Variants in NAT8L observed in about 807,000 individuals in gnomAD.
NAT8L encodes the protein N-acetylaspartate synthetase.
NAT8L carries 6 observed loss-of-function variants against 21.2 expected under a neutral mutation model. The ratio of observed to expected loss-of-function variants is 0.28; its 90% CI spans 0.16 to 0.56. The LOEUF (loss-of-function observed/expected upper bound fraction) is 0.56. NAT8L is among the 20% of genes least tolerant of loss of function. The probability of loss-of-function intolerance (pLI) is 0.93; values close to 1 mark genes in which losing one functional copy is unlikely to be tolerated. For missense variants in NAT8L, 331 were observed against 433.3 expected, an observed-to-expected ratio of 0.76 and a Z score of 2.10; for synonymous variants, 239 against 204.9, an observed-to-expected ratio of 1.17 and a Z score of -1.42.
At position 2,060,191 on chromosome 4, in the gene NAT8L, G is replaced by C. The variant is rs1729826010; in HGVS notation, c.376+304G>C. 6.6e-6 allele frequency among the ~76,000 whole-genome samples: 1 copy of C among 152,010 alleles called. No individual in the cohort carries two copies. The highest frequency in any genetic ancestry group is 1.5e-5 in the Non-Finnish European group (1 of 67,954). On this transcript the variant is annotated intron_variant, in intron 1 of 2. Coordinates refer to ENST00000423729, the MANE Select transcript of NAT8L (RefSeq NM_178557.4). This position sits in a 1 kb window ranked among gnomAD's most constrained non-coding sequence, Gnocchi z 4.7. The stretch of plus-strand genomic sequence containing the variant: ...CTGGGTGGGGGCGGGTGCCAGGGCA[G>C]GTAGCGCCCGCCGCGGCTGGGCCCC...
At position 2,059,659 on chromosome 4, in the gene NAT8L, G is replaced by GCCGCGCCCC. The variant is rs1729813219; in HGVS notation, c.159_167dup (p.Ala54_Pro56dup). On this transcript the variant is annotated inframe_insertion, in exon 1 of 3. Transcript: ENST00000423729. The surrounding 1 kb of genome is among the most constrained non-coding windows in gnomAD (Gnocchi z 4.8). Reference sequence around the variant, plus strand: ...GCTGCCCGCCGCGCCCGGGCCGGCCGCCGCGCCCCCCGCGCCCCCACCTGC... The same window carrying GCCGCGCCCC: ...GCTGCCCGCCGCGCCCGGGCCGGCCGCCGCGCCCCCCGCGCCCCCCGCGCCCCCACCTGC... 1 of 973,008 alleles carries GCCGCGCCCC rather than the reference G, an allele frequency of 1.0e-6. No individual in the cohort carries two copies. 60.3% of individuals were successfully genotyped at this position (973,008 alleles called of 1,614,324 possible).
intron 2 of NAT8L, among the ~76,000 whole-genome samples, chr4:2,062,349 C>T (rs1729909695): frequency 1.3e-5 from 2 of 152,100 alleles, no homozygotes; most frequent in African/African-American, 4.8e-5. Context: ...TGGGATGGCC[C>T]TGATCTCTCG....
Position 2,065,035 on chromosome 4 carries a change from C to G in NAT8L, c.*908C>G, listed in dbSNP as rs1397766906. The G allele has an allele frequency of 2.6e-5, 4 of 152,648 alleles. No individual in the cohort carries two copies. Among genetic ancestry groups the G allele is most frequent in the African/African-American group, 7.2e-5 (3 of 41,476 alleles). 9.5% of individuals were successfully genotyped at this position (152,648 alleles called of 1,614,324 possible). ...GCCAACAGCGCCCAGCCCACAGCTT[C>G]TCCCAGCCTGAAACCAACACATTTT... On this transcript the variant is annotated 3_prime_UTR_variant, in exon 3 of 3. Coordinates refer to ENST00000423729, the MANE Select transcript of NAT8L (RefSeq NM_178557.4).
chr4:2,059,893 T>C lies in NAT8L; in HGVS notation c.376+6T>C. On this transcript the variant is annotated splice_donor_region_variant and intron_variant, in intron 1 of 2. Coordinates refer to ENST00000423729, the MANE Select transcript of NAT8L (RefSeq NM_178557.4). The surrounding 1 kb of genome is among the most constrained non-coding windows in gnomAD (Gnocchi z 4.8). The stretch of plus-strand genomic sequence containing the variant: ...GCTCTACGCCCTGCTGGCGGGTCAG[T>C]GCGCCGGGCCCCCGGCTGCCGCAGT... The C allele has an allele frequency of 7.8e-7, 1 of 1,287,572 alleles. No individual in the cohort carries two copies. The highest frequency in any genetic ancestry group is 9.9e-7 in the Non-Finnish European group (1 of 1,006,710). 79.8% of individuals were successfully genotyped at this position (1,287,572 alleles called of 1,614,324 possible).
rs150241702 is a variant in NAT8L, at chr4:2,063,794, C to T, written c.576C>T (p.Asn192=). 4.7e-5 allele frequency: 76 copies of T among 1,612,082 alleles called. 1 individual carries two copies. Among genetic ancestry groups the T allele is most frequent in the Middle Eastern group, 3.3e-4 (2 of 6,082 alleles). The part of the protein sequence containing the change: ...SCFWVAVLDG[N]VVGIVAARAH... ...TCTGGGTGGCCGTGCTGGATGGCAA[C>T]GTGGTGGGCATTGTGGCTGCACGGG... Residue 192 remains asparagine, a synonymous_variant, in exon 3 of 3, where the codon AAC becomes AAT. Coordinates refer to ENST00000423729, the MANE Select transcript of NAT8L (RefSeq NM_178557.4).
At chr4:2,062,626 C>T (rs921984146) in intron 2 of NAT8L, among the ~76,000 whole-genome samples, 2 of 152,034 alleles carry the variant, frequency 1.3e-5, no homozygotes, top group African/African-American at 2.4e-5. Flanking sequence ...CTCCCCCCCA[C>T]GCTGCTTCTC....
At position 2,064,103 on chromosome 4, in the gene NAT8L, C is replaced by T. The variant is rs750049341; in HGVS notation, c.885C>T (p.Tyr295=). ...RLFFQVRYHR[Y]RLQLREE is the part of the protein sequence containing the mutation. ...TCTTCCAGGTCCGCTACCACCGCTA[C>T]CGCCTGCAGCTGCGCGAGGAGTGAC... Residue 295 remains tyrosine (Y), a synonymous_variant, in exon 3 of 3, where the codon TAC becomes TAT. Transcript: ENST00000423729. 5 of 1,599,288 alleles carry T rather than the reference C, an allele frequency of 3.1e-6. No homozygotes were observed. Among genetic ancestry groups the T allele is most frequent in the Non-Finnish European group, 4.2e-6 (5 of 1,177,520 alleles).
chr4:2,065,916 C>G lies in NAT8L; in HGVS notation c.*1789C>G, dbSNP rs1428073211. On this transcript the variant is annotated 3_prime_UTR_variant, in exon 3 of 3. Transcript: ENST00000423729. ...AGTGTTTTAGCAAAATGGAAACAAACAGTTGTGCCTTTTTCCTCTTTTGGT... is the reference window on the plus strand; with the variant it reads ...AGTGTTTTAGCAAAATGGAAACAAAGAGTTGTGCCTTTTTCCTCTTTTGGT... 3 of 152,628 alleles carry G rather than the reference C, an allele frequency of 2.0e-5. No homozygotes were observed. Among genetic ancestry groups the G allele is most frequent in the African/African-American group, 7.2e-5 (3 of 41,424 alleles). 9.5% of individuals were successfully genotyped at this position (152,628 alleles called of 1,614,324 possible).
At chr4:2,061,713 G>A (rs1335869044) in intron 2 of NAT8L, among the ~76,000 whole-genome samples, 1 of 152,110 alleles carries the variant, frequency 6.6e-6, no homozygotes, top group African/African-American at 2.4e-5. Context: ...CTCTAGGGGG[G>A]GTGGGGGTTG....
Position 2,061,005 on chromosome 4 carries a change from C to T in NAT8L, c.384C>T (p.Cys128=). 2 of 1,538,626 alleles carry T rather than the reference C, an allele frequency of 1.3e-6. No individual in the cohort carries two copies. The highest frequency in any genetic ancestry group is 1.8e-6 in the Non-Finnish European group (2 of 1,136,036). Residue 128 remains cysteine, a synonymous_variant, in exon 2 of 3, where the codon TGC becomes TGT. Coordinates refer to ENST00000423729, the MANE Select transcript of NAT8L (RefSeq NM_178557.4). ...QLLYALLAAL[C]FAVSRSLLLT... is the part of the protein sequence containing the mutation. ...CGCGCCCTCTGCCCCCAGCGCTGTG[C>T]TTCGCCGTGAGCCGCTCGCTGCTGC...
At chr4:2,061,376 G>A (rs1034256789) in intron 2 of NAT8L, among the ~76,000 whole-genome samples, 1 of 152,220 alleles carries the variant, frequency 6.6e-6, no homozygotes, top group Non-Finnish European at 1.5e-5. Flanking sequence ...GACCTGAGCT[G>A]GCCCTGCGAC....
In NAT8L at chr4:2,063,761, C is replaced by T. The variant is rs760096629; in HGVS notation, c.543C>T (p.Gly181=). The T allele has an allele frequency of 5.0e-6, 8 of 1,611,220 alleles. No homozygotes were observed. The South Asian group carries it at 7.7e-5, about 15-fold the overall frequency. Residue 181 remains glycine (G), a splice_region_variant and synonymous_variant, in exon 3 of 3, where the codon GGC becomes GGT. Transcript: ENST00000423729. ...DIEQYYMKPP[G]SCFWVAVLDG... ...CCCTGACCGCCCTATCCCCTGCAGGCTCCTGCTTCTGGGTGGCCGTGCTGG... is the reference window on the plus strand; with the variant it reads ...CCCTGACCGCCCTATCCCCTGCAGGTTCCTGCTTCTGGGTGGCCGTGCTGG...
At position 2,067,413 on chromosome 4, in the gene NAT8L, C is replaced by T. The variant is rs970800068; in HGVS notation, c.*3286C>T. On this transcript the variant is annotated 3_prime_UTR_variant, in exon 3 of 3. Coordinates refer to ENST00000423729, the MANE Select transcript of NAT8L (RefSeq NM_178557.4). Reference sequence around the variant, plus strand: ...GAGGCCACGAGGTCCTGGGGCCACCCCTCTCCTGCTCTGGGTGTCCTTCTC... The same window carrying T: ...GAGGCCACGAGGTCCTGGGGCCACCTCTCTCCTGCTCTGGGTGTCCTTCTC... 2 of 152,404 alleles carry T rather than the reference C, an allele frequency of 1.3e-5. No individual in the cohort carries two copies. Among genetic ancestry groups the T allele is most frequent in the Non-Finnish European group, 2.9e-5 (2 of 68,200 alleles). 9.4% of individuals were successfully genotyped at this position (152,404 alleles called of 1,614,324 possible). A position where few individuals can be genotyped will look rare whatever the true frequency, so the allele number is the denominator to read the frequency against.
In NAT8L at chr4:2,059,553, C is replaced by A. The variant is rs1404973677; in HGVS notation, c.42C>A (p.Ile14=). The change falls in exon 1 of 3, where the codon ATC becomes ATA. Residue 14 remains isoleucine (I), a synonymous_variant. Coordinates refer to ENST00000423729, the MANE Select transcript of NAT8L (RefSeq NM_178557.4). This position sits in a 1 kb window ranked among gnomAD's most constrained non-coding sequence, Gnocchi z 4.8. ...GPPDMVCETK[I]VAAEDHEALP... ...CCGACATGGTCTGCGAGACGAAGATCGTGGCCGCCGAGGACCATGAGGCGC... is the reference window on the plus strand; with the variant it reads ...CCGACATGGTCTGCGAGACGAAGATAGTGGCCGCCGAGGACCATGAGGCGC... 7 of 1,001,656 alleles carry A rather than the reference C, an allele frequency of 7.0e-6. No homozygotes were observed. The highest frequency in any genetic ancestry group is 7.1e-6 in the Non-Finnish European group (6 of 839,356). 62.0% of individuals were successfully genotyped at this position (1,001,656 alleles called of 1,614,324 possible).
intron 2 of NAT8L, among the ~76,000 whole-genome samples, chr4:2,061,400 C>T (rs1455686151): frequency 1.3e-5 from 2 of 152,250 alleles, no homozygotes; most frequent in Admixed American, 6.5e-5. Flanking sequence ...GTGGCTCCAC[C>T]GTTCCCTGCT....
chr4:2,059,482 T>G lies in NAT8L; in HGVS notation c.-30T>G. On this transcript the variant is annotated 5_prime_UTR_variant, in exon 1 of 3. Transcript: ENST00000423729. This position sits in a 1 kb window ranked among gnomAD's most constrained non-coding sequence, Gnocchi z 4.8. Reference sequence around the variant, plus strand: ...CCGTGCCCGCCGCCGCCCGGCCGCGTCCCCGCTGCCGCGCCGCCCGGCCGG... The same window carrying G: ...CCGTGCCCGCCGCCGCCCGGCCGCGGCCCCGCTGCCGCGCCGCCCGGCCGG... 4.3e-6 allele frequency: 4 copies of G among 927,812 alleles called. No individual in the cohort carries two copies. Among genetic ancestry groups the G allele is most frequent in the Non-Finnish European group, 3.8e-6 (3 of 784,714 alleles). The allele number at this position is 927,812 out of a possible 1,614,324, so 57.5% of individuals were successfully genotyped here. A position where few individuals can be genotyped will look rare whatever the true frequency, so the allele number is the denominator to read the frequency against.
chr4:2,062,089 C>A (rs1464088719), intron 2 of NAT8L, among the ~76,000 whole-genome samples: 2 of 152,184 alleles, frequency 1.3e-5, no homozygotes, highest in Non-Finnish European at 2.9e-5. Flanking sequence ...GAAGCACAGG[C>A]CACAGCAACA....
intron 2 of NAT8L, among the ~76,000 whole-genome samples, chr4:2,061,905 G>T (rs375736460): frequency 3.3e-5 from 5 of 152,122 alleles, no homozygotes; most frequent in African/African-American, 1.2e-4. Flanking sequence ...TCAGGAGCCC[G>T]GTCAGTGTCA....
intron 2 of NAT8L, among the ~76,000 whole-genome samples, chr4:2,061,370 T>G (rs1235468311): frequency 2.0e-5 from 3 of 152,200 alleles, no homozygotes; most frequent in Non-Finnish European, 2.9e-5. Context: ...CTGAGTGACC[T>G]GAGCTGGCCC....
Sources: allele counts gnomAD v4.1 joint callset (sites outside exome capture counted in the v4.1 genomes callset), GRCh38; gene constraint gnomAD v4.1.1; non-coding constraint Gnocchi (gnomAD v3.1); transcripts MANE v1.5; gene names NCBI Gene and HGNC (gene_info 2026-07-23, HGNC 2026-07-21).